The following NPSR1 variants were observed in gnomAD, a reference collection of about 807,000 sequenced individuals.
NPSR1 encodes neuropeptide S receptor.
A neutral mutation model predicts 46.9 loss-of-function variants in NPSR1; 48 were observed. The ratio of observed to expected loss-of-function variants is 1.02; its 90% CI spans 0.81 to 1.30. The LOEUF (loss-of-function observed/expected upper bound fraction) is 1.30. Ranked by LOEUF, NPSR1 falls within the 50% of genes most tolerant of loss-of-function variation. The pLI is 0.00. For missense variants in NPSR1, 450 were observed against 449.5 expected (o/e 1.00, Z -0.01); for synonymous variants, 176 against 168.1 (o/e 1.05, Z -0.36).
intron 2 of NPSR1, among the ~76,000 whole-genome samples, chr7:34,697,252 T>C (rs1793577198): frequency 6.6e-6 from 1 of 151,906 alleles, no homozygotes; most frequent in South Asian, 2.1e-4. Context: ...ATCTGGGTAG[T>C]TAAAGATGTT....
chr7:34,790,980 GTTATA>G (rs1428229410), intron 3 of NPSR1, among the ~76,000 whole-genome samples: 14 of 105,924 alleles, frequency 1.3e-4, no homozygotes, highest in African/African-American at 3.0e-4. Flanking sequence ...TATGTTATAT[GTTATA>G]TTATATATGT....
intron 4 of NPSR1, among the ~76,000 whole-genome samples, chr7:34,823,496 G>C (rs568157109): frequency 6.6e-6 from 1 of 150,378 alleles, no homozygotes; most frequent in Admixed American, 6.6e-5. Context: ...TGAACATTTG[G>C]ATACAAAATT....
At chr7:34,763,448 A>G (rs1325581939) in intron 2 of NPSR1, among the ~76,000 whole-genome samples, 1 of 152,138 alleles carries the variant, frequency 6.6e-6, no homozygotes, top group Non-Finnish European at 1.5e-5. Flanking sequence ...TAGGGCCTGG[A>G]GAGGTAGAGC....
intron 3 of NPSR1, among the ~76,000 whole-genome samples, chr7:34,811,060 T>A (rs1249649925): frequency 1.3e-5 from 2 of 152,142 alleles, no homozygotes; most frequent in Admixed American, 1.3e-4. Flanking sequence ...GGTGGGTGCC[T>A]GTGACTCCTG....
intron 6 of NPSR1, among the ~76,000 whole-genome samples, chr7:34,838,779 G>A (rs905433198): frequency 3.3e-5 from 5 of 152,234 alleles, no homozygotes; most frequent in South Asian, 2.1e-4. Context: ...AGGGCAAGAC[G>A]TGGAGGAGAT....
chr7:34,706,798 C>G (rs1228664255), intron 2 of NPSR1, among the ~76,000 whole-genome samples: 4 of 151,984 alleles, frequency 2.6e-5, no homozygotes, highest in Admixed American at 2.6e-4. Flanking sequence ...CTCTTTTTAA[C>G]TCAATGCTAG....
intron 4 of NPSR1, among the ~76,000 whole-genome samples, chr7:34,824,206 C>T (rs1219117850): frequency 6.6e-6 from 1 of 151,986 alleles, no homozygotes; most frequent in Non-Finnish European, 1.5e-5. Context: ...TTCCTTTTCG[C>T]TTATTTTTAT....
At chr7:34,736,984 A>G (rs115120526) in intron 2 of NPSR1, among the ~76,000 whole-genome samples, 1 of 146,416 alleles carries the variant, frequency 6.8e-6, no homozygotes, top group Admixed American at 6.9e-5. Context: ...ACTGCCCTGA[A>G]CTCTTTCTTA....
chr7:34,830,010 G>A (rs1028789316), intron 5 of NPSR1, among the ~76,000 whole-genome samples: 10 of 152,188 alleles, frequency 6.6e-5, no homozygotes, highest in Non-Finnish European at 1.3e-4. Flanking sequence ...CCCTGCTGCT[G>A]AAGAAACAAC....
intron 2 of NPSR1, among the ~76,000 whole-genome samples, chr7:34,757,272 G>A (rs1757493563): frequency 6.6e-6 from 1 of 152,106 alleles, no homozygotes. Flanking sequence ...CTTCTGTTAG[G>A]TTGGTGCAAA....
downstream of NPSR1, among the ~76,000 whole-genome samples, chr7:34,853,218 C>T (rs1741388395): frequency 6.6e-6 from 1 of 152,158 alleles, no homozygotes; most frequent in Non-Finnish European, 1.5e-5. Context: ...GAAAAGGCCA[C>T]AAGCCTGAGT....
At chr7:34,870,940 A>G (rs1409255459) in intron 8 of NPSR1, among the ~76,000 whole-genome samples, 1 of 151,720 alleles carries the variant, frequency 6.6e-6, no homozygotes, top group African/African-American at 2.4e-5. Flanking sequence ...GGATAGATGG[A>G]TGGATGGATG....
At chr7:34,823,522 C>T (rs1421150534) in intron 4 of NPSR1, among the ~76,000 whole-genome samples, 1 of 149,250 alleles carries the variant, frequency 6.7e-6, no homozygotes, top group Non-Finnish European at 1.5e-5. Context: ...AACCACATAA[C>T]AAGATTAAAA....
intron 2 of NPSR1, chr7:34,728,963 G>C (rs906458305): frequency 5.3e-5 from 8 of 152,342 alleles, no homozygotes; most frequent in Non-Finnish European, 7.3e-5. Flanking sequence ...AGAGAAGAAT[G>C]AAAGTTAAAT....
chr7:34,691,565 CTTATA>C, intron 2 of NPSR1, among the ~76,000 whole-genome samples: 1 of 152,070 alleles, frequency 6.6e-6, no homozygotes, highest in Admixed American at 6.6e-5. Flanking sequence ...AGTAGCCATT[CTTATA>C]TTAGATAAAA....
At chr7:34,694,585 A>T (rs1161059283) in intron 2 of NPSR1, among the ~76,000 whole-genome samples, 1 of 152,236 alleles carries the variant, frequency 6.6e-6, no homozygotes, top group Non-Finnish European at 1.5e-5. Context: ...TAAAATGACC[A>T]TACTTCCCAA....
chr7:34,822,852 A>G (rs1789620736), intron 4 of NPSR1, among the ~76,000 whole-genome samples: 1 of 152,218 alleles, frequency 6.6e-6, no homozygotes, highest in African/African-American at 2.4e-5. Flanking sequence ...AGGCCTTTCC[A>G]GGAACCATAT....
chr7:34,695,048 A>G (rs1191762498), intron 2 of NPSR1, among the ~76,000 whole-genome samples: 2 of 152,190 alleles, frequency 1.3e-5, no homozygotes, highest in African/African-American at 4.8e-5. Context: ...ATCCAGAGGC[A>G]CCACATTGCC....
intron 4 of NPSR1, among the ~76,000 whole-genome samples, chr7:34,814,970 C>T (rs888172211): frequency 2.0e-5 from 3 of 152,126 alleles, no homozygotes; most frequent in African/African-American, 4.8e-5. Flanking sequence ...GAAACCAGAG[C>T]GGAAAAGCTG....
Sources: allele counts gnomAD v4.1 joint callset (sites outside exome capture counted in the v4.1 genomes callset), GRCh38; gene constraint gnomAD v4.1.1; transcripts MANE v1.5; gene names NCBI Gene and HGNC (gene_info 2026-07-23, HGNC 2026-07-21).